IREB2: variants seen among roughly 807,000 people sequenced by gnomAD.
IREB2 encodes the protein iron responsive element binding protein 2.
A neutral mutation model predicts 118.8 loss-of-function variants in IREB2; 39 were observed. That is an observed-to-expected ratio of 0.33 (90% CI 0.25 to 0.43). The LOEUF is 0.43. IREB2 is among the 20% of genes least tolerant of loss of function. The pLI is 1.00. For synonymous variants in IREB2, 372 were observed against 392.2 expected, an observed-to-expected ratio of 0.95 and a Z score of 0.61; for missense variants, 900 against 1,147.3, an observed-to-expected ratio of 0.78 and a Z score of 3.11.
At chr15:78,438,138 C>T, upstream of IREB2, 2 of 569,994 alleles carry the variant, frequency 3.5e-6, no homozygotes, top group South Asian at 2.1e-5. Context: ...TCCTGTCCGA[C>T]GATCTCGCGG....
intron 2 of IREB2, among the ~76,000 whole-genome samples, chr15:78,446,891 C>CAAT (rs1555448777): frequency 6.6e-6 from 1 of 151,648 alleles, no homozygotes; most frequent in Admixed American, 6.6e-5. Flanking sequence ...ACATGCTTAC[C>CAAT]AGTGAATGAG....
At chr15:78,451,746 A>G (rs1037759770) in intron 2 of IREB2, among the ~76,000 whole-genome samples, 19 of 151,868 alleles carry the variant, frequency 1.3e-4, no homozygotes, top group African/African-American at 3.9e-4. Flanking sequence ...CTGGAGTGCA[A>G]TGGCACAATC....
intron 2 of IREB2, among the ~76,000 whole-genome samples, chr15:78,453,974 A>T (rs1454378517): frequency 2.0e-5 from 3 of 152,236 alleles, no homozygotes; most frequent in Non-Finnish European, 2.9e-5. Context: ...CATAAAACTT[A>T]AAACCACAAC....
chr15:78,460,232 A>G (rs2051174416), intron 2 of IREB2, among the ~76,000 whole-genome samples: 1 of 152,222 alleles, frequency 6.6e-6, no homozygotes, highest in Non-Finnish European at 1.5e-5. Context: ...GTGATCTTTC[A>G]GATTACATCG....
intron 8 of IREB2, 70 bp from the exon 9 acceptor site, chr15:78,476,118 A>G: frequency 8.4e-7 from 1 of 1,184,144 alleles, no homozygotes; most frequent in South Asian, 1.9e-5. Context: ...TTTATTTTAT[A>G]GTTTTCAGAC....
At chr15:78,480,995 C>T (rs541318042) in intron 10 of IREB2, among the ~76,000 whole-genome samples, 23 of 149,794 alleles carry the variant, frequency 1.5e-4, no homozygotes, top group Non-Finnish European at 3.0e-4. Flanking sequence ...GGCAACAGAG[C>T]GAGACTCTGT....
chr15:78,484,811 CT>C lies in IREB2; in HGVS notation c.1465del (p.Ser489ProfsTer54). ...IAAEKQKDIV[S>X]IHYEGSEYKL... ...CAGCTGAAAAACAAAAGGATATTGTCTCCATTCATTATGAAGGAAGTGAATA... is the reference window on the plus strand; with the variant it reads ...CAGCTGAAAAACAAAAGGATATTGTCCCATTCATTATGAAGGAAGTGAATA... On this transcript the variant is annotated frameshift_variant, in exon 12 of 22. Transcript: ENST00000258886. LOFTEE classifies it high-confidence loss of function. 6.2e-7 allele frequency: 1 copy of C among 1,613,264 alleles called. No individual in the cohort carries two copies. Among genetic ancestry groups the C allele is most frequent in the Non-Finnish European group, 8.5e-7 (1 of 1,179,418 alleles).
At chr15:78,463,765 A>T (rs1301277469) in intron 3 of IREB2, among the ~76,000 whole-genome samples, 1 of 151,854 alleles carries the variant, frequency 6.6e-6, no homozygotes, top group Non-Finnish European at 1.5e-5. Context: ...TGCAGCCTCA[A>T]CCTCCTGGGC....
At chr15:78,462,336 G>A (rs2051211392) in intron 2 of IREB2, among the ~76,000 whole-genome samples, 1 of 152,112 alleles carries the variant, frequency 6.6e-6, no homozygotes, top group African/African-American at 2.4e-5. Flanking sequence ...GCACAATCTG[G>A]TGTGAGAATT....
At chr15:78,481,200 G>A (rs2051564469) in intron 10 of IREB2, among the ~76,000 whole-genome samples, 1 of 152,138 alleles carries the variant, frequency 6.6e-6, no homozygotes, top group South Asian at 2.1e-4. Flanking sequence ...AGTGAGCTAT[G>A]ATCGAGTCAA....
intron 1 of IREB2, among the ~76,000 whole-genome samples, chr15:78,439,210 C>T (rs535744337): frequency 6.6e-6 from 1 of 152,318 alleles, no homozygotes; most frequent in Admixed American, 6.5e-5. Flanking sequence ...GTAGAATATG[C>T]TAATTTCCTA....
intron 2 of IREB2, among the ~76,000 whole-genome samples, chr15:78,450,114 T>C (rs1331826007): frequency 6.6e-6 from 1 of 152,206 alleles, no homozygotes; most frequent in Non-Finnish European, 1.5e-5. Context: ...ATTTATTGAG[T>C]ACTTGTATAT....
intron 2 of IREB2, among the ~76,000 whole-genome samples, chr15:78,444,531 C>T (rs1458881266): frequency 1.3e-5 from 2 of 152,060 alleles, no homozygotes; most frequent in African/African-American, 2.4e-5. Context: ...CACAGTACTG[C>T]TTAGTCCTCC....
At chr15:78,465,435 T>C in intron 4 of IREB2, 47 bp downstream of exon 4, 1 of 1,526,040 alleles carries the variant, frequency 6.6e-7, no homozygotes. Flanking sequence ...GTTAATTGGC[T>C]GGAAATGTGT....
rs1382072739 is a variant in IREB2, at chr15:78,498,248, C to A, written c.*105C>A. The stretch of plus-strand genomic sequence containing the variant: ...GCAGCAGATAGTCCCAGTATACTCA[C>A]TTATCTCATCCATGGATGTAAATGA... On this transcript the variant is annotated 3_prime_UTR_variant, in exon 22 of 22. Transcript: ENST00000258886. The A allele has an allele frequency of 3.3e-6, 2 of 611,852 alleles. No homozygotes were observed. The highest frequency in any genetic ancestry group is 5.9e-6 in the Non-Finnish European group (2 of 338,012). 37.9% of individuals were successfully genotyped at this position (611,852 alleles called of 1,614,324 possible). A position where few individuals can be genotyped will look rare whatever the true frequency, so the allele number is the denominator to read the frequency against.
chr15:78,461,405 A>C (rs569289644), intron 2 of IREB2, among the ~76,000 whole-genome samples: 4 of 152,300 alleles, frequency 2.6e-5, no homozygotes, highest in Admixed American at 2.6e-4. Context: ...CTATCATTTC[A>C]GTGACTAAGT....
intron 10 of IREB2, among the ~76,000 whole-genome samples, chr15:78,482,564 ACAT>A (rs2051592383): frequency 6.6e-6 from 1 of 152,136 alleles, no homozygotes; most frequent in Admixed American, 6.5e-5. Context: ...CACATTCTTC[ACAT>A]CATGTGTGCT....
In IREB2 at chr15:78,463,099, G is replaced by T. The variant is rs1317757558; in HGVS notation, c.272+12G>T. 1.2e-5 allele frequency: 19 copies of T among 1,578,418 alleles called. No individual in the cohort carries two copies. The highest frequency in any genetic ancestry group is 1.6e-5 in the Non-Finnish European group (19 of 1,165,032). On this transcript the variant is annotated intron_variant, in intron 3 of 21. Transcript: ENST00000258886. ...CTTCAAGATTTTACGTGAGTAATGG[G>T]TTTATTTTTTGTGAATGAACTCTTA...
chr15:78,466,320 G>A lies in IREB2; in HGVS notation c.460G>A (p.Gly154Arg). The A allele has an allele frequency of 6.2e-7, 1 of 1,613,950 alleles. No individual in the cohort carries two copies. The highest frequency in any genetic ancestry group is 1.1e-5 in the South Asian group (1 of 91,070). ...TGGAGGTGGTGACCTGCAGAAAGCA[G>A]GAAAGCTCTCTCCACTTAAAGTGCA... is the stretch of plus-strand genomic sequence containing the variant. ...NPGGGDLQKA[G>R]KLSPLKVQPK... Residue 154 changes from glycine (G) to arginine (R), a missense_variant, in exon 5 of 22, where the codon GGA (glycine) becomes AGA (arginine). By Grantham distance (125) the Gly-to-Arg change is moderately radical (BLOSUM62 -2). Coordinates refer to ENST00000258886, the MANE Select transcript of IREB2 (RefSeq NM_004136.4).
Sources: allele counts gnomAD v4.1 joint callset (sites outside exome capture counted in the v4.1 genomes callset), GRCh38; gene constraint gnomAD v4.1.1; transcripts MANE v1.5; gene names NCBI Gene and HGNC (gene_info 2026-07-23, HGNC 2026-07-21).